The following RARB variants were observed in gnomAD, a reference collection of about 807,000 sequenced individuals.
RARB encodes HBV-activated protein.
Under a neutral mutation model 51.9 loss-of-function variants are expected in RARB, and 17 were observed. The ratio of observed to expected loss-of-function variants is 0.33; its 90% CI spans 0.22 to 0.49. The LOEUF is 0.49. RARB is among the 20% of genes least tolerant of loss of function. The pLI is 0.99. For missense variants in RARB, 369 were observed against 550.8 expected (o/e 0.67, Z 3.30); for synonymous variants, 215 against 195.4 (o/e 1.10, Z -0.84).
At chr3:25,130,370 T>C (rs1034856893) in intron 3 of RARB, among the ~76,000 whole-genome samples, 2 of 152,044 alleles carry the variant, frequency 1.3e-5, no homozygotes, top group African/African-American at 4.8e-5. Flanking sequence ...CATTAGAACA[T>C]ATGCTGTGTT....
At chr3:24,918,718 C>T (rs1686460661) in intron 2 of RARB, among the ~76,000 whole-genome samples, 2 of 152,114 alleles carry the variant, frequency 1.3e-5, no homozygotes, top group African/African-American at 4.8e-5. Flanking sequence ...TGGTGAAACC[C>T]TGTCTCTACT....
At chr3:25,122,765 G>A (rs181356760) in intron 3 of RARB, among the ~76,000 whole-genome samples, 3 of 152,152 alleles carry the variant, frequency 2.0e-5, no homozygotes, top group Non-Finnish European at 4.4e-5. Flanking sequence ...ATGGATTTTG[G>A]TGGACATCTC....
At chr3:24,919,802 A>G (rs6772493) in intron 2 of RARB, among the ~76,000 whole-genome samples, 91,932 of 152,034 alleles carry the variant, frequency 0.6, 29,272 homozygotes, top group African/African-American at 0.8. Flanking sequence ...CAGACTTTTC[A>G]AAGTGCTGTC....
intron 2 of RARB, among the ~76,000 whole-genome samples, chr3:24,993,591 G>T (rs1247438288): frequency 6.6e-6 from 1 of 151,990 alleles, no homozygotes; most frequent in East Asian, 1.9e-4. Flanking sequence ...TCTTACAGTG[G>T]TATAGAATAC....
intron 3 of RARB, among the ~76,000 whole-genome samples, chr3:25,117,440 C>T (rs1040219156): frequency 6.6e-6 from 1 of 152,146 alleles, no homozygotes; most frequent in African/African-American, 2.4e-5. Flanking sequence ...GTTCCATGGG[C>T]CCAATCAAAG....
chr3:25,326,124 T>A (rs1325981459), intron 5 of RARB, among the ~76,000 whole-genome samples: 1 of 152,210 alleles, frequency 6.6e-6, no homozygotes, highest in Non-Finnish European at 1.5e-5. Context: ...AAGGGGATTG[T>A]CCCCTCTACC....
rs561838156 is a variant in RARB at position 24,960,753 on chromosome 3, C to G, written c.-379-99372C>G. Among the ~76,000 whole-genome samples the G allele has an allele frequency of 4.3e-5, 5 of 116,582 alleles. No individual in the cohort carries two copies. In the East Asian group the frequency reaches 1.1e-3, roughly 27 times the overall value. 76.5% of individuals were successfully genotyped at this position (116,582 alleles called of 152,430 possible). A position where few individuals can be genotyped will look rare whatever the true frequency, so the allele number is the denominator to read the frequency against. Reference sequence around the variant, plus strand: ...TTGTAATTGCCAGTTGAGAATTGAGCCTTTGGATTTTTTTTTTTTTTAACT... The same window carrying G: ...TTGTAATTGCCAGTTGAGAATTGAGGCTTTGGATTTTTTTTTTTTTTAACT... On this transcript the variant is annotated intron_variant, in intron 2 of 11. Coordinates refer to the RARB transcript ENST00000383772.
intron 5 of RARB, among the ~76,000 whole-genome samples, chr3:25,290,461 A>C (rs1376252703): frequency 6.6e-6 from 1 of 152,152 alleles, no homozygotes; most frequent in Non-Finnish European, 1.5e-5. Flanking sequence ...CTGTTGTTTA[A>C]ACCACCCAGT....
intron 5 of RARB, among the ~76,000 whole-genome samples, chr3:25,586,402 G>A (rs1437885672): frequency 6.6e-6 from 1 of 152,170 alleles, no homozygotes; most frequent in Non-Finnish European, 1.5e-5. Context: ...GGTCGCCGTG[G>A]CAGGGTTCCA....
chr3:25,300,992 G>C (rs1261437018), intron 5 of RARB, among the ~76,000 whole-genome samples: 1 of 152,118 alleles, frequency 6.6e-6, no homozygotes, highest in East Asian at 1.9e-4. Flanking sequence ...GCGAGACTCT[G>C]TCTCAAAACA....
At chr3:25,550,415 T>C (rs1159361435) in intron 3 of RARB, among the ~76,000 whole-genome samples, 1 of 152,078 alleles carries the variant, frequency 6.6e-6, no homozygotes, top group East Asian at 1.9e-4. Context: ...AGGAGATGCC[T>C]AGTGAGGTCC....
intron 4 of RARB, among the ~76,000 whole-genome samples, chr3:25,157,903 A>G (rs992668734): frequency 5.5e-5 from 7 of 126,360 alleles, no homozygotes; most frequent in African/African-American, 2.0e-4. Context: ...GTGCTGACCA[A>G]CTTTAAATCA....
intron 2 of RARB, chr3:25,059,983 G>A (rs939721808): frequency 6.6e-6 from 1 of 151,652 alleles, no homozygotes; most frequent in African/African-American, 2.4e-5. Context: ...TAAGTTGTGG[G>A]ATCCCTGGCA....
intron 3 of RARB, among the ~76,000 whole-genome samples, chr3:25,087,398 T>A (rs1272759854): frequency 1.3e-5 from 2 of 152,148 alleles, no homozygotes; most frequent in Non-Finnish European, 2.9e-5. Flanking sequence ...AGGTTAGGTG[T>A]AATGGTTCAG....
At chr3:25,095,183 A>G (rs1699272443) in intron 3 of RARB, among the ~76,000 whole-genome samples, 1 of 152,186 alleles carries the variant, frequency 6.6e-6, no homozygotes, top group South Asian at 2.1e-4. Context: ...CCTGGCATCT[A>G]CTTCTGGACA....
upstream of RARB, among the ~76,000 whole-genome samples, chr3:25,427,996 C>A (rs907749055): frequency 8.5e-5 from 13 of 152,106 alleles, no homozygotes; most frequent in African/African-American, 3.1e-4. Context: ...CCAGGAGCAG[C>A]GTCCCGGCTC....
At chr3:25,474,582 TTC>T (rs1324039835) in intron 2 of RARB, among the ~76,000 whole-genome samples, 1 of 152,170 alleles carries the variant, frequency 6.6e-6, no homozygotes, top group Non-Finnish European at 1.5e-5. Context: ...ATGACATTTA[TTC>T]TGTTTGGCTC....
At chr3:25,430,038 A>G (rs2125514612) in intron 1 of RARB, among the ~76,000 whole-genome samples, 1 of 152,300 alleles carries the variant, frequency 6.6e-6, no homozygotes, top group Non-Finnish European at 1.5e-5. Context: ...CAATGACAGG[A>G]TTTAAATTGC....
At chr3:25,465,210 C>A (rs1695372876) in intron 2 of RARB, among the ~76,000 whole-genome samples, 1 of 152,130 alleles carries the variant, frequency 6.6e-6, no homozygotes, top group African/African-American at 2.4e-5. Context: ...TCTATTATCT[C>A]CCTTGTGATA....
Sources: gnomAD v4.1 joint callset for allele counts (sites outside exome capture counted in the v4.1 genomes callset) on GRCh38, gnomAD v4.1.1 for gene constraint, MANE v1.5 for transcripts, NCBI Gene and HGNC (gene_info 2026-07-23, HGNC 2026-07-21) for gene names.